The following FAM193A variants were observed in gnomAD, a reference collection of about 807,000 sequenced individuals.
FAM193A encodes family with sequence similarity 193 member A.
FAM193A carries 22 observed loss-of-function variants against 126.5 expected under a neutral mutation model. The ratio of observed to expected loss-of-function variants is 0.17; its 90% confidence interval spans 0.12 to 0.25. The LOEUF (loss-of-function observed/expected upper bound fraction) is 0.25. FAM193A is among the 10% of genes least tolerant of loss of function. FAM193A has a pLI of 1.00. For synonymous variants in FAM193A, 761 were observed against 646.8 expected (o/e 1.18, Z -2.68); for missense variants, 1,675 against 1,672.8 (o/e 1.00, Z -0.02).
chr4:2,543,377 C>T (rs1414593486), intron 1 of FAM193A, among the ~76,000 whole-genome samples: 1 of 151,970 alleles, frequency 6.6e-6, no homozygotes, highest in Non-Finnish European at 1.5e-5. Context: ...TGAGCCACTG[C>T]ATTTGGCCAC....
chr4:2,564,376 C>G (rs1738805604), intron 1 of FAM193A, among the ~76,000 whole-genome samples: 1 of 152,092 alleles, frequency 6.6e-6, no homozygotes, highest in Non-Finnish European at 1.5e-5. Context: ...AGCCACCACC[C>G]CTGGCCAGGA....
At chr4:2,720,572 A>C (rs1720017566) in intron 20 of FAM193A, among the ~76,000 whole-genome samples, 1 of 151,904 alleles carries the variant, frequency 6.6e-6, no homozygotes, top group Non-Finnish European at 1.5e-5. Flanking sequence ...GGATCCCTTA[A>C]ACCCAGGAGA....
Position 2,541,013 on chromosome 4 carries a change from A to G in FAM193A, c.255+3843A>G, listed in dbSNP as rs1424614487. Among the ~76,000 whole-genome samples, 4 of 150,962 alleles carry G rather than the reference A, an allele frequency of 2.6e-5. No homozygotes were observed. In the East Asian group the frequency reaches 5.9e-4, roughly 22 times the overall value. On this transcript the variant is annotated intron_variant, in intron 1 of 20. Coordinates refer to ENST00000637812, the MANE Select transcript of FAM193A (RefSeq NM_001366318.2). ...AGGGCAGGCGCAGTGGCTGACACCT[A>G]TAATCCTAGCACTTTGGGAAGCCGA...
intron 13 of FAM193A, among the ~76,000 whole-genome samples, chr4:2,674,742 G>A (rs1354866931): frequency 1.3e-5 from 2 of 151,554 alleles, no homozygotes; most frequent in East Asian, 1.9e-4. Context: ...GCTCACGCCT[G>A]TAATCCCAGT....
upstream of FAM193A, among the ~76,000 whole-genome samples, chr4:2,536,393 G>C (rs1159705756): frequency 2.0e-5 from 3 of 151,772 alleles, no homozygotes; most frequent in Non-Finnish European, 4.4e-5. Flanking sequence ...CCCAGCGCCC[G>C]GGCCCTCGGC....
At chr4:2,603,694 C>G (rs143269882) in intron 2 of FAM193A, among the ~76,000 whole-genome samples, 3 of 151,858 alleles carry the variant, frequency 2.0e-5, no homozygotes, top group African/African-American at 7.3e-5. Context: ...CTCCTGACCT[C>G]GTGATCTGCC....
intron 2 of FAM193A, among the ~76,000 whole-genome samples, chr4:2,614,832 T>C (rs1048274521): frequency 6.6e-6 from 1 of 152,220 alleles, no homozygotes; most frequent in African/African-American, 2.4e-5. Flanking sequence ...CTAGTTTTTG[T>C]CTTTAAGGAA....
At chr4:2,683,656 G>T (rs760498776) in intron 13 of FAM193A, among the ~76,000 whole-genome samples, 1 of 152,136 alleles carries the variant, frequency 6.6e-6, no homozygotes, top group Non-Finnish European at 1.5e-5. Flanking sequence ...TGTAGCTTTG[G>T]GGGTATTTAT....
chr4:2,647,153 C>T (rs115681200), intron 7 of FAM193A, among the ~76,000 whole-genome samples: 4,298 of 150,862 alleles, frequency 0.028, 210 homozygotes, highest in African/African-American at 0.099. Flanking sequence ...GGAGGTTTTT[C>T]TTTTTTTTTG....
chr4:2,719,777 TC>T (rs1560613959), intron 20 of FAM193A, among the ~76,000 whole-genome samples: 1 of 42,720 alleles, frequency 2.3e-5, no homozygotes, highest in Non-Finnish European at 5.4e-5. Context: ...CCTTCCTCCC[TC>T]CCTCCCTCCC....
intron 2 of FAM193A, among the ~76,000 whole-genome samples, chr4:2,616,959 A>G (rs936545552): frequency 1.3e-4 from 19 of 146,402 alleles, no homozygotes; most frequent in Non-Finnish European, 2.7e-4. Context: ...ACCCAAGCTC[A>G]GGAGTTCGAG....
At chr4:2,575,371 T>C (rs964570731) in intron 1 of FAM193A, among the ~76,000 whole-genome samples, 25 of 152,100 alleles carry the variant, frequency 1.6e-4, no homozygotes, top group African/African-American at 6.0e-4. Flanking sequence ...ATCAGGAGCA[T>C]GGACTTCATA....
At chr4:2,563,525 C>CAAA (rs149318728) in intron 1 of FAM193A, among the ~76,000 whole-genome samples, 1 of 143,788 alleles carries the variant, frequency 7.0e-6, no homozygotes, top group African/African-American at 2.6e-5. Flanking sequence ...GTCATCTCTA[C>CAAA]AAAAAAAAAC....
chr4:2,661,335 A>G (rs1361174020), intron 10 of FAM193A, among the ~76,000 whole-genome samples: 1 of 152,242 alleles, frequency 6.6e-6, no homozygotes, highest in Non-Finnish European at 1.5e-5. Flanking sequence ...AAAAAGAACA[A>G]TGTGATTGTA....
rs1452125659 is a variant in FAM193A, at chr4:2,696,437, A to G, written c.3351A>G (p.Lys1117=). 29 of 1,614,148 alleles carry G rather than the reference A, an allele frequency of 1.8e-5. No homozygotes were observed. The highest frequency in any genetic ancestry group is 2.7e-5 in the African/African-American group (2 of 74,956). ...EKLRLRLTKR[K]EEQPKKMDQI... ...TTCGCTTACGGCTGACCAAGAGGAA[A>G]GAGGAGCAACCTAAAAAAATGGACC... is the stretch of plus-strand genomic sequence containing the variant. The change falls in exon 18 of 21, where the codon AAA becomes AAG. Residue 1117 remains lysine, a synonymous_variant. Transcript: ENST00000637812.
At chr4:2,649,277 G>T (rs1745435698) in intron 7 of FAM193A, among the ~76,000 whole-genome samples, 1 of 151,654 alleles carries the variant, frequency 6.6e-6, no homozygotes, top group African/African-American at 2.4e-5. Flanking sequence ...CAGAGAGTGA[G>T]TGGGGGAGGA....
In FAM193A at chr4:2,621,185, C is replaced by T. The variant is rs534315543; in HGVS notation, c.502-4077C>T. The stretch of plus-strand genomic sequence containing the variant: ...GGAACCTGGAGGGAGACCCCTTCTT[C>T]TTCACCGTCCCTGTAGTACCCTCCA... On this transcript the variant is annotated intron_variant, in intron 2 of 20. Transcript: ENST00000637812. Among the ~76,000 whole-genome samples, 3 of 152,292 alleles carry T rather than the reference C, an allele frequency of 2.0e-5. No homozygotes were observed. In the South Asian group the frequency reaches 6.2e-4, roughly 32 times the overall value.
chr4:2,712,130 C>T (rs550444029), intron 19 of FAM193A, among the ~76,000 whole-genome samples: 1 of 152,152 alleles, frequency 6.6e-6, no homozygotes, highest in South Asian at 2.1e-4. Context: ...GCTTTTGTAA[C>T]TCCTCCATGT....
intron 4 of FAM193A, among the ~76,000 whole-genome samples, chr4:2,627,784 C>T (rs1743125543): frequency 6.6e-6 from 1 of 151,322 alleles, no homozygotes; most frequent in African/African-American, 2.4e-5. Context: ...GCTCTGTCGC[C>T]CAGGCTGGAG....
Sources: allele counts gnomAD v4.1 joint callset (sites outside exome capture counted in the v4.1 genomes callset), GRCh38; gene constraint gnomAD v4.1.1; transcripts MANE v1.5; gene names NCBI Gene and HGNC (gene_info 2026-07-23, HGNC 2026-07-21).